The following PRSS23 variants were observed in gnomAD, a reference collection of about 807,000 sequenced individuals.
PRSS23 encodes the protein protease, serine 23.
A neutral mutation model predicts 34.7 loss-of-function variants in PRSS23; 25 were observed. The observed-to-expected ratio is 0.72, with a 90% CI of 0.53 to 1.01. PRSS23 has a LOEUF of 1.01. PRSS23 is among the 50% of genes least tolerant of loss of function. PRSS23 has a pLI of 0.00. For synonymous variants in PRSS23, 176 were observed against 186.6 expected, an observed-to-expected ratio of 0.94 and a Z score of 0.46; for missense variants, 445 against 475.6, an observed-to-expected ratio of 0.94 and a Z score of 0.60.
intron 2 of PRSS23, among the ~76,000 whole-genome samples, chr11:86,886,930 G>C (rs1165836774): frequency 6.6e-6 from 1 of 152,088 alleles, no homozygotes; most frequent in Non-Finnish European, 1.5e-5. Flanking sequence ...CAATAAGAGT[G>C]AGACTCCATC....
chr11:86,864,434 C>T (rs1303118309), intron 2 of PRSS23, among the ~76,000 whole-genome samples: 1 of 152,178 alleles, frequency 6.6e-6, no homozygotes, highest in South Asian at 2.1e-4. Context: ...AGAGGAAGGA[C>T]CACGTAGTCA....
At chr11:86,820,712 T>C (rs10450663) in intron 1 of PRSS23, among the ~76,000 whole-genome samples, 2,573 of 152,334 alleles carry the variant, frequency 0.017, 72 homozygotes, top group African/African-American at 0.059. Flanking sequence ...CTATGTACTA[T>C]AGAATTTTTG....
chr11:86,904,855 C>A (rs544494281), intron 2 of PRSS23, among the ~76,000 whole-genome samples: 39 of 151,366 alleles, frequency 2.6e-4, no homozygotes, highest in Middle Eastern at 3.4e-3. Context: ...TAAGACTAGC[C>A]TGAGCAACAT....
downstream of PRSS23, among the ~76,000 whole-genome samples, chr11:86,814,109 C>T (rs963428154): frequency 2.0e-5 from 3 of 152,118 alleles, no homozygotes; most frequent in African/African-American, 4.8e-5. Flanking sequence ...AAATGAAAAC[C>T]GAGAATTCCT....
intron 2 of PRSS23, among the ~76,000 whole-genome samples, chr11:86,847,354 T>C (rs765732271): frequency 1.3e-5 from 2 of 152,240 alleles, no homozygotes; most frequent in Non-Finnish European, 2.9e-5. Flanking sequence ...GTTGGATGTA[T>C]TGGCAGAAGG....
intron 2 of PRSS23, among the ~76,000 whole-genome samples, chr11:86,912,841 T>C (rs1036898887): frequency 6.6e-5 from 10 of 152,236 alleles, no homozygotes; most frequent in African/African-American, 2.4e-4. Context: ...TTTTGGATTA[T>C]GTCTTGGACA....
intron 2 of PRSS23, among the ~76,000 whole-genome samples, chr11:86,938,152 T>C (rs553217890): frequency 1.0e-3 from 159 of 152,302 alleles, no homozygotes; most frequent in Non-Finnish European, 2.1e-3. Flanking sequence ...CAGTGAACAT[T>C]TGTCGAGCAC....
chr11:86,897,938 T>G (rs1948887556), intron 2 of PRSS23, among the ~76,000 whole-genome samples: 2 of 152,202 alleles, frequency 1.3e-5, no homozygotes. Context: ...AGAGGCAAAT[T>G]CCTTGTCCTC....
downstream of PRSS23, among the ~76,000 whole-genome samples, chr11:86,811,759 C>CT (rs1364173150): frequency 6.6e-6 from 1 of 152,168 alleles, no homozygotes; most frequent in East Asian, 1.9e-4. Context: ...AGGAATCACT[C>CT]TTTCTCTAAC....
rs1948152556 is a variant in PRSS23, at chr11:86,809,478, C to G, written c.*683C>G. The G allele has an allele frequency of 6.0e-6, 1 of 167,052 alleles. No individual in the cohort carries two copies. 10.3% of individuals were successfully genotyped at this position (167,052 alleles called of 1,614,324 possible). A position where few individuals can be genotyped will look rare whatever the true frequency, so the allele number is the denominator to read the frequency against. Reference sequence around the variant, plus strand: ...AGTTTCTTTTCCAAAGGTTGTTGCTCTACTTTGTAGGAAGTCTTTGCATAT... The same window carrying G: ...AGTTTCTTTTCCAAAGGTTGTTGCTGTACTTTGTAGGAAGTCTTTGCATAT... On this transcript the variant is annotated 3_prime_UTR_variant, in exon 2 of 2. Coordinates refer to ENST00000280258, the MANE Select transcript of PRSS23 (RefSeq NM_007173.6).
intron 2 of PRSS23, among the ~76,000 whole-genome samples, chr11:86,931,743 G>C (rs542754801): frequency 1.3e-5 from 2 of 152,152 alleles, no homozygotes; most frequent in East Asian, 1.9e-4. Context: ...CGGAGCTCAA[G>C]TGACCCACTC....
chr11:86,951,281 C>G (rs759890542), exon 3 of PRSS23: 1 of 1,614,136 alleles, frequency 6.2e-7, no homozygotes, highest in South Asian at 1.1e-5. Flanking sequence ...AATCCACATG[C>G]CTGAAGTGAT....
chr11:86,943,430 G>C (rs756930232), intron 2 of PRSS23, among the ~76,000 whole-genome samples: 8 of 152,078 alleles, frequency 5.3e-5, no homozygotes, highest in Non-Finnish European at 1.2e-4. Flanking sequence ...TTCAAGACCA[G>C]CCTGGCCAAC....
upstream of PRSS23, chr11:86,800,443 G>A (rs905267918): frequency 7.1e-6 from 7 of 983,246 alleles, no homozygotes; most frequent in Non-Finnish European, 8.5e-6. Context: ...GGCGGGCGGC[G>A]TCCGCGCGGC....
chr11:86,802,791 T>C (rs1394010691), intron 1 of PRSS23, among the ~76,000 whole-genome samples: 1 of 152,168 alleles, frequency 6.6e-6, no homozygotes, highest in Non-Finnish European at 1.5e-5. Context: ...TTTTCAAGAC[T>C]AAGGTGCCGT....
At position 86,808,852 on chromosome 11, in the gene PRSS23, G is replaced by A; in HGVS notation, c.*57G>A. 4.1e-6 allele frequency: 6 copies of A among 1,479,142 alleles called. No homozygotes were observed. The South Asian group carries it at 6.6e-5, about 16-fold the overall frequency. The allele number at this position is 1,479,142 out of a possible 1,614,324, so 91.6% of individuals were successfully genotyped here. On this transcript the variant is annotated 3_prime_UTR_variant, in exon 2 of 2. Transcript: ENST00000280258. ...TCTTCATGTTCTTATTTTAGGAGAG[G>A]CCAAATTGTTTTTTGTCATTGGCGT... is the stretch of plus-strand genomic sequence containing the variant.
At chr11:86,836,721 C>T (rs570969828) in intron 2 of PRSS23, 1 of 152,304 alleles carries the variant, frequency 6.6e-6, no homozygotes, top group South Asian at 2.1e-4. Flanking sequence ...GTGCCAGTGT[C>T]CAGGAGACAA....
At chr11:86,863,495 C>T (rs934888026) in intron 2 of PRSS23, among the ~76,000 whole-genome samples, 2 of 152,110 alleles carry the variant, frequency 1.3e-5, no homozygotes, top group Non-Finnish European at 2.9e-5. Flanking sequence ...GGATGGGGGC[C>T]AAGAAGTAAC....
intron 2 of PRSS23, among the ~76,000 whole-genome samples, chr11:86,875,707 A>G (rs1205380049): frequency 6.6e-6 from 1 of 152,238 alleles, no homozygotes; most frequent in African/African-American, 2.4e-5. Flanking sequence ...TTCTTTACAG[A>G]CAGAGACCTC....
Sources: gnomAD v4.1 joint callset for allele counts (sites outside exome capture counted in the v4.1 genomes callset) on GRCh38, gnomAD v4.1.1 for gene constraint, MANE v1.5 for transcripts, NCBI Gene and HGNC (gene_info 2026-07-23, HGNC 2026-07-21) for gene names.